Variants in RMP64 observed in about 807,000 individuals in gnomAD.
The protein encoded by RMP64 is ribonuclease MRP subunit p64, also known as nucleolus and neural progenitor protein.
chr3:113,004,641 C>T, the RMP64 span: 3 of 152,190 alleles, frequency 2.0e-5, no homozygotes, highest in Non-Finnish European at 4.4e-5. Flanking sequence ...TCAAACTTCA[C>T]ATCATTATTT....
the RMP64 span, chr3:113,013,058 C>A: frequency 4.8e-6 from 3 of 626,672 alleles, no homozygotes; most frequent in South Asian, 6.2e-5. Flanking sequence ...GCTATCAATG[C>A]TCTTAGGATA....
chr3:113,005,740 G>A, the RMP64 span: 5 of 1,613,914 alleles, frequency 3.1e-6, no homozygotes, highest in Non-Finnish European at 4.2e-6. Flanking sequence ...TACTGTTAGG[G>A]TAGAGATCAG....
chr3:113,011,197 AATTT>A, the RMP64 span: 1 of 1,613,198 alleles, frequency 6.2e-7, no homozygotes, highest in Non-Finnish European at 8.5e-7. Context: ...TTTATTTAGC[AATTT>A]ATTTATTCCT....
chr3:113,014,613 A>C, the RMP64 span: 1 of 152,168 alleles, frequency 6.6e-6, no homozygotes, highest in Admixed American at 6.5e-5. Flanking sequence ...TCGGCCTCCC[A>C]AAGTGCTGGG....
the RMP64 span, chr3:113,006,080 T>C: frequency 9.8e-7 from 1 of 1,015,808 alleles, no homozygotes; most frequent in Non-Finnish European, 1.4e-6. Context: ...ATTTACCAAC[T>C]GAAAAGAAAA....
At chr3:113,017,749 G>C in the RMP64 span, 49 of 656,202 alleles carry the variant, frequency 7.5e-5, no homozygotes, top group Non-Finnish European at 1.1e-4. Flanking sequence ...AGAACGTAAG[G>C]ATTCTAAGTA....
chr3:113,002,819 T>C, the RMP64 span: 1 of 152,986 alleles, frequency 6.5e-6, no homozygotes, highest in African/African-American at 2.4e-5. Flanking sequence ...GGGGATGGGG[T>C]GGCCCCACAC....
chr3:113,013,083 G>A, the RMP64 span: 1 of 651,852 alleles, frequency 1.5e-6, no homozygotes, highest in South Asian at 2.0e-5. Flanking sequence ...GTGCTGAACA[G>A]TGACAGGCAG....
the RMP64 span, chr3:113,019,184 A>T: frequency 3.6e-6 from 1 of 275,152 alleles, no homozygotes; most frequent in East Asian, 9.1e-5. Context: ...AATGGACGGA[A>T]GGGTAAACAA....
the RMP64 span, among the ~76,000 whole-genome samples, chr3:113,012,252 G>C: frequency 6.6e-6 from 1 of 152,154 alleles, no homozygotes; most frequent in African/African-American, 2.4e-5. Flanking sequence ...GTCAAAAATT[G>C]CATTTATCAT....
At chr3:113,017,982 C>T in the RMP64 span, among the ~76,000 whole-genome samples, 1 of 152,198 alleles carries the variant, frequency 6.6e-6, no homozygotes, top group Admixed American at 6.5e-5. Context: ...TGTGTAATAA[C>T]TCTCTAACTC....
chr3:113,007,373 C>T, the RMP64 span, among the ~76,000 whole-genome samples: 37 of 152,084 alleles, frequency 2.4e-4, 1 homozygote, highest in South Asian at 5.6e-3. Flanking sequence ...ATTTTCAATA[C>T]GTGGTTCATC....
chr3:113,015,697 T>C, the RMP64 span, among the ~76,000 whole-genome samples: 4 of 152,050 alleles, frequency 2.6e-5, no homozygotes, highest in South Asian at 4.2e-4. Context: ...AAGGCAGTAG[T>C]AGAAGTGGTA....
At chr3:113,013,365 G>C in the RMP64 span, 2 of 1,613,316 alleles carry the variant, frequency 1.2e-6, no homozygotes, top group Non-Finnish European at 1.7e-6. Flanking sequence ...TGGCTGACTG[G>C]GGACAACACA....
At chr3:113,011,498 G>T in the RMP64 span, 1 of 1,148,552 alleles carries the variant, frequency 8.7e-7, no homozygotes, top group South Asian at 1.6e-5. Flanking sequence ...GAAAATAAAT[G>T]GCTATCAAGG....
chr3:113,017,675 A>G, the RMP64 span: 260 of 1,328,012 alleles, frequency 2.0e-4, no homozygotes, highest in African/African-American at 3.5e-3. Flanking sequence ...AACACACTAA[A>G]AAAAGCATCT....
At chr3:113,008,132 A>G in the RMP64 span, 1 of 1,582,340 alleles carries the variant, frequency 6.3e-7, no homozygotes, top group Non-Finnish European at 8.7e-7. Flanking sequence ...TAACAACAAC[A>G]GAAAAAGTAA....
At chr3:113,010,116 G>A in the RMP64 span, among the ~76,000 whole-genome samples, 1 of 152,178 alleles carries the variant, frequency 6.6e-6, no homozygotes, top group South Asian at 2.1e-4. Flanking sequence ...ATAGCTTCAT[G>A]ACAAAATGAT....
the RMP64 span, chr3:113,008,024 A>T: frequency 9.1e-6 from 6 of 658,028 alleles, no homozygotes; most frequent in Non-Finnish European, 1.6e-5. Flanking sequence ...CAATAAAAGC[A>T]GCAAATGCAA....
Sources: gnomAD v4.1 joint callset for allele counts (sites outside exome capture counted in the v4.1 genomes callset) on GRCh38, gnomAD v4.1.1 for gene constraint, MANE v1.5 for transcripts, NCBI Gene and HGNC (gene_info 2026-07-23, HGNC 2026-07-21) for gene names.